FHIT: variants seen among roughly 807,000 people sequenced by gnomAD.
FHIT encodes fragile histidine triad diadenosine triphosphatase, also known as bis(5'-adenosyl)-triphosphatase.
Under a neutral mutation model 17.9 loss-of-function variants are expected in FHIT, and 19 were observed. The observed-to-expected ratio is 1.06, with a 90% CI of 0.74 to 1.56. The LOEUF (loss-of-function observed/expected upper bound fraction) is 1.56, where lower values mean the gene tolerates loss of function less well. FHIT is among the 40% of genes most tolerant of loss of function. The pLI is 0.00. For synonymous variants in FHIT, 81 were observed against 69.7 expected (o/e 1.16, Z -0.81); for missense variants, 248 against 189.2 (o/e 1.31, Z -1.82).
chr3:59,895,273 C>T (rs974364727), intron 8 of FHIT, among the ~76,000 whole-genome samples: 1 of 152,222 alleles, frequency 6.6e-6, no homozygotes, highest in Admixed American at 6.5e-5. Flanking sequence ...CCTCACTATA[C>T]TGGAGGCTCC....
At chr3:61,199,828 CT>C (rs2038961881) in intron 2 of FHIT, among the ~76,000 whole-genome samples, 1 of 152,094 alleles carries the variant, frequency 6.6e-6, no homozygotes, top group Non-Finnish European at 1.5e-5. Flanking sequence ...ATATTTCACC[CT>C]GGCCACCAAA....
At chr3:60,322,403 A>C (rs1490905603) in intron 5 of FHIT, among the ~76,000 whole-genome samples, 1 of 152,216 alleles carries the variant, frequency 6.6e-6, no homozygotes, top group East Asian at 1.9e-4. Context: ...ACCCAATTAC[A>C]GTTTGAGTCA....
At chr3:60,978,508 A>C (rs1710359505) in intron 3 of FHIT, among the ~76,000 whole-genome samples, 1 of 152,198 alleles carries the variant, frequency 6.6e-6, no homozygotes, top group Non-Finnish European at 1.5e-5. Flanking sequence ...TGCAGTAAAG[A>C]GAAATAAAGC....
rs1312888192 is a variant in FHIT at position 61,014,803 on chromosome 3, A to AT, written c.-111+27243_-111+27244insA. On this transcript the variant is annotated intron_variant, in intron 3 of 9. Coordinates refer to ENST00000492590, the MANE Select transcript of FHIT (RefSeq NM_002012.4). ...TCAAAAAAAAAAAAAAAAAAAAAAA[A>AT]AAAAATATATATATATATATATGTA... 2.8e-3 allele frequency among the ~76,000 whole-genome samples: 145 copies of AT among 52,122 alleles called. 1 individual carries two copies. The highest frequency in any genetic ancestry group is 4.7e-3 in the Non-Finnish European group (109 of 23,400). 34.2% of individuals were successfully genotyped at this position (52,122 alleles called of 152,430 possible).
At chr3:61,169,535 T>C (rs1576142730) in intron 2 of FHIT, among the ~76,000 whole-genome samples, 1 of 152,328 alleles carries the variant, frequency 6.6e-6, no homozygotes. Flanking sequence ...TTAAAAACTT[T>C]AAATTTTGAG....
At chr3:60,076,653 C>T (rs1703021717) in intron 5 of FHIT, among the ~76,000 whole-genome samples, 1 of 151,900 alleles carries the variant, frequency 6.6e-6, no homozygotes, top group Admixed American at 6.6e-5. Context: ...TATCATGTCA[C>T]CTAACAGAGT....
intron 5 of FHIT, among the ~76,000 whole-genome samples, chr3:60,130,278 G>C (rs1030468926): frequency 1.3e-5 from 2 of 152,162 alleles, no homozygotes; most frequent in African/African-American, 4.8e-5. Context: ...ACTATGTCTT[G>C]AAACCTTTCT....
chr3:60,356,093 G>A (rs910362096), intron 5 of FHIT, among the ~76,000 whole-genome samples: 1 of 152,142 alleles, frequency 6.6e-6, no homozygotes, highest in Non-Finnish European at 1.5e-5. Context: ...ACAATTATTA[G>A]AAACTAAAAT....
At chr3:60,380,754 C>G (rs1700764932) in intron 5 of FHIT, among the ~76,000 whole-genome samples, 1 of 152,128 alleles carries the variant, frequency 6.6e-6, no homozygotes, top group Admixed American at 6.5e-5. Flanking sequence ...TTCTAACACC[C>G]CTGAGCATTT....
chr3:61,095,206 C>G (rs1416900022), intron 2 of FHIT, among the ~76,000 whole-genome samples: 2 of 152,174 alleles, frequency 1.3e-5, no homozygotes, highest in African/African-American at 4.8e-5. Flanking sequence ...CTGAGACATG[C>G]CTTGTATAAT....
At chr3:60,190,408 A>C (rs1033573171) in intron 5 of FHIT, among the ~76,000 whole-genome samples, 4 of 152,084 alleles carry the variant, frequency 2.6e-5, no homozygotes, top group Non-Finnish European at 5.9e-5. Flanking sequence ...AACAAAGGTG[A>C]TGTACACATA....
intron 5 of FHIT, among the ~76,000 whole-genome samples, chr3:60,379,470 G>A (rs1454045780): frequency 6.6e-6 from 1 of 152,008 alleles, no homozygotes; most frequent in East Asian, 1.9e-4. Flanking sequence ...TTTTTCCTGG[G>A]AACTATATTT....
chr3:60,858,330 A>T (rs782223728), intron 3 of FHIT, among the ~76,000 whole-genome samples: 3 of 152,190 alleles, frequency 2.0e-5, no homozygotes, highest in Non-Finnish European at 4.4e-5. Flanking sequence ...CAATGGCACA[A>T]AATAGAGAAC....
chr3:60,067,322 TTGAATGAATGAA>T lies in FHIT; in HGVS notation c.104-53182_104-53171del, dbSNP rs4024132. On this transcript the variant is annotated intron_variant, in intron 5 of 9. Transcript: ENST00000492590. The stretch of plus-strand genomic sequence containing the variant: ...ACAACAATCTCTTCACAAATATGTA[TTGAATGAATGAA>T]TGAATGAATGAATGAATGAATAAGC... Among the ~76,000 whole-genome samples the T allele has an allele frequency of 2.5e-3, 375 of 151,374 alleles. 4 individuals are homozygous for T. The highest frequency in any genetic ancestry group is 8.3e-3 in the African/African-American group (340 of 41,168).
At chr3:60,802,064 C>A (rs1191031726) in intron 4 of FHIT, among the ~76,000 whole-genome samples, 1 of 152,194 alleles carries the variant, frequency 6.6e-6, no homozygotes, top group Admixed American at 6.5e-5. Flanking sequence ...GACTCAAATG[C>A]ACAGTTCATT....
intron 5 of FHIT, among the ~76,000 whole-genome samples, chr3:60,384,292 A>G (rs961823986): frequency 3.9e-5 from 6 of 152,000 alleles, no homozygotes; most frequent in Non-Finnish European, 8.8e-5. Flanking sequence ...AATTGGAGAT[A>G]ATTTTTAATA....
chr3:59,859,836 A>G (rs1011063849), intron 8 of FHIT, among the ~76,000 whole-genome samples: 2 of 152,206 alleles, frequency 1.3e-5, no homozygotes, highest in African/African-American at 2.4e-5. Context: ...AGAAAATGTC[A>G]TCACTGAGAC....
intron 8 of FHIT, among the ~76,000 whole-genome samples, chr3:59,754,353 G>A (rs2106744391): frequency 6.6e-6 from 1 of 152,296 alleles, no homozygotes; most frequent in African/African-American, 2.4e-5. Context: ...TCTCCTTAGT[G>A]AAAGAAAACC....
At chr3:60,658,377 C>T (rs1267161320) in intron 4 of FHIT, among the ~76,000 whole-genome samples, 1 of 152,064 alleles carries the variant, frequency 6.6e-6, no homozygotes, top group Non-Finnish European at 1.5e-5. Flanking sequence ...TCCTGCATCA[C>T]TGTCTTCTTG....
Sources: gnomAD v4.1 joint callset for allele counts (sites outside exome capture counted in the v4.1 genomes callset) on GRCh38, gnomAD v4.1.1 for gene constraint, MANE v1.5 for transcripts, NCBI Gene and HGNC (gene_info 2026-07-23, HGNC 2026-07-21) for gene names.